The following CLK3 variants were observed in gnomAD, a reference collection of about 807,000 sequenced individuals.
CLK3 encodes the protein dual specificity protein kinase CLK3.
A neutral mutation model predicts 65.2 loss-of-function variants in CLK3; 24 were observed. The ratio of observed to expected loss-of-function variants is 0.37; its 90% CI spans 0.27 to 0.52. CLK3 has a LOEUF of 0.52. Among genes scored for constraint, CLK3 ranks in the 20% least tolerant of loss-of-function variants. CLK3 has a pLI of 0.92. For synonymous variants in CLK3, 252 were observed against 240.8 expected, an observed-to-expected ratio of 1.05 and a Z score of -0.43; for missense variants, 506 against 660.0, an observed-to-expected ratio of 0.77 and a Z score of 2.56.
In CLK3 at chr15:74,619,222, C is replaced by T; in HGVS notation, c.26C>T (p.Ser9Phe). 6.2e-7 allele frequency: 1 copy of T among 1,614,150 alleles called. No individual in the cohort carries two copies. The part of the protein sequence containing the change: MHHCKRYR[S>F]PEPDPYLSYR... The stretch of plus-strand genomic sequence containing the variant: ...ATGCATCACTGTAAGCGATACCGCT[C>T]CCCTGAACCAGACCCGTACCTGAGC... Residue 9 changes from serine to phenylalanine, a missense_variant, in exon 2 of 13, where the codon TCC becomes TTC. Transcript: ENST00000395066.
upstream of CLK3, among the ~76,000 whole-genome samples, chr15:74,612,503 C>T (rs1016406342): frequency 6.6e-6 from 1 of 152,148 alleles, no homozygotes; most frequent in African/African-American, 2.4e-5. Context: ...ACCCTGGGCA[C>T]GAGGCACCCT....
intron 6 of CLK3, 85 bp downstream of exon 6, chr15:74,625,103 G>A: frequency 9.5e-6 from 9 of 946,178 alleles, no homozygotes; most frequent in East Asian, 2.4e-5. Context: ...TCACCCATCC[G>A]CACTGTGCCT....
chr15:74,627,720 G>A lies in CLK3; in HGVS notation c.1042+52G>A, dbSNP rs201105533. The A allele has an allele frequency of 1.2e-6, 2 of 1,606,816 alleles. No homozygotes were observed. The highest frequency in any genetic ancestry group is 1.7e-6 in the Non-Finnish European group (2 of 1,175,070). On this transcript the variant is annotated intron_variant, in intron 9 of 12. Coordinates refer to ENST00000395066, the MANE Select transcript of CLK3 (RefSeq NM_001130028.2). The surrounding 1 kb of genome is among the most constrained non-coding windows in gnomAD (Gnocchi z 4.3). ...TGTCATACTGGACTGTTGTTGGGAGGGTATGAGCAGAGGCAGTGGCATGCC... is the reference window on the plus strand; with the variant it reads ...TGTCATACTGGACTGTTGTTGGGAGAGTATGAGCAGAGGCAGTGGCATGCC...
Position 74,620,022 on chromosome 15 carries a change from C to A in CLK3, c.166C>A (p.Pro56Thr), listed in dbSNP as rs1242247310. The part of the protein sequence containing the change: ...RSRSRSHDRL[P>T]YQRRYRERRD... Reference sequence around the variant, plus strand: ...CCCTTTTGGCAGCCATGACCGCCTGCCCTACCAGAGGAGGTACCGGGAGCG... The same window carrying A: ...CCCTTTTGGCAGCCATGACCGCCTGACCTACCAGAGGAGGTACCGGGAGCG... The change falls in exon 3 of 13, where the codon CCC becomes ACC. Residue 56 changes from proline (P) to threonine (T), a missense_variant. Pro to Thr is a conservative substitution (Grantham distance 38). Coordinates refer to ENST00000395066, the MANE Select transcript of CLK3 (RefSeq NM_001130028.2). 9.3e-6 allele frequency: 15 copies of A among 1,614,028 alleles called. No individual in the cohort carries two copies. Among genetic ancestry groups the A allele is most frequent in the Non-Finnish European group, 1.3e-5 (15 of 1,180,030 alleles).
chr15:74,622,121 G>A lies in CLK3; in HGVS notation c.371G>A (p.Arg124Lys). ...CGTTTCGGGGGGCGGTGCATGCAGA[G>A]AAGCCAACAGAGCAGTAAGCGCAGC... ...RTRSCSSASS[R>K]SQQSSKRSSR... Residue 124 changes from arginine to lysine, a missense_variant and splice_region_variant, in exon 4 of 13, where the codon AGA becomes AAA. Physicochemically the swap from Arg to Lys is conservative, Grantham distance 26 (BLOSUM62 2). This residue lies in a region of CLK3 where 325 missense variants were observed against 500.5 expected (regional missense o/e 0.65). Coordinates refer to ENST00000395066, the MANE Select transcript of CLK3 (RefSeq NM_001130028.2). The surrounding 1 kb of genome is among the most constrained non-coding windows in gnomAD (Gnocchi z 4.6). 1 of 1,614,094 alleles carries A rather than the reference G, an allele frequency of 6.2e-7. No homozygotes were observed. Among genetic ancestry groups the A allele is most frequent in the Non-Finnish European group, 8.5e-7 (1 of 1,179,972 alleles).
In CLK3 at chr15:74,622,524, C is replaced by T. The variant is rs2062111839; in HGVS notation, c.497C>T (p.Thr166Ile). 1 of 1,613,448 alleles carries T rather than the reference C, an allele frequency of 6.2e-7. No homozygotes were observed. The highest frequency in any genetic ancestry group is 8.5e-7 in the Non-Finnish European group (1 of 1,179,744). ...YEIVGNLGEG[T>I]FGKVVECLDH... ...ATTGTGGGGAACCTGGGTGAAGGCA[C>T]CTTTGGCAAGGTGGTGGAGTGCTTG... is the stretch of plus-strand genomic sequence containing the variant. The change falls in exon 5 of 13, where the codon ACC becomes ATC. Residue 166 changes from threonine (T) to isoleucine (I), a missense_variant. Coordinates refer to ENST00000395066, the MANE Select transcript of CLK3 (RefSeq NM_001130028.2). The surrounding 1 kb of genome is among the most constrained non-coding windows in gnomAD (Gnocchi z 4.6).
chr15:74,628,201 T>C, intron 10 of CLK3, 149 bp downstream of exon 10: 1 of 659,748 alleles, frequency 1.5e-6, no homozygotes, highest in Non-Finnish European at 2.7e-6. Context: ...CCTTTAAGGA[T>C]GTAGATGCTA....
rs756798964 is a variant in CLK3, at chr15:74,622,085, T to G, written c.370-35T>G. 6.3e-7 allele frequency: 1 copy of G among 1,594,344 alleles called. No homozygotes were observed. The highest frequency in any genetic ancestry group is 8.6e-7 in the Non-Finnish European group (1 of 1,162,150). On this transcript the variant is annotated intron_variant, in intron 3 of 12. Coordinates refer to ENST00000395066, the MANE Select transcript of CLK3 (RefSeq NM_001130028.2). The surrounding 1 kb of genome is among the most constrained non-coding windows in gnomAD (Gnocchi z 4.6). Reference sequence around the variant, plus strand: ...CAATCGGAACCGCCTACCATGCGATTGGTCGGATGGCGTTTCGGGGGGCGG... The same window carrying G: ...CAATCGGAACCGCCTACCATGCGATGGGTCGGATGGCGTTTCGGGGGGCGG...
upstream of CLK3, chr15:74,615,148 G>C (rs2062041260): frequency 2.9e-6 from 1 of 344,312 alleles, no homozygotes; most frequent in Admixed American, 4.8e-5. Context: ...TTTGTCTAGC[G>C]GGGGAGTCTT....
upstream of CLK3, chr15:74,615,620 G>C: frequency 2.4e-6 from 3 of 1,252,112 alleles, no homozygotes; most frequent in Non-Finnish European, 2.0e-6. Flanking sequence ...CGTGCGCCGC[G>C]ACACGGCGGG....
intron 6 of CLK3, among the ~76,000 whole-genome samples, chr15:74,625,337 T>C (rs1209509262): frequency 1.3e-5 from 2 of 152,200 alleles, no homozygotes; most frequent in Non-Finnish European, 2.9e-5. Context: ...AGGGCCTTTC[T>C]GTGGCAGACA....
chr15:74,619,083 G>A (rs897809113), intron 1 of CLK3, 114 bp from the exon 2 acceptor site: 19 of 1,283,324 alleles, frequency 1.5e-5, no homozygotes, highest in African/African-American at 6.0e-5. Context: ...GGGAGGGGCC[G>A]CCTTCAAACA....
At chr15:74,626,782 C>CAGTA (rs1421358243) in intron 7 of CLK3, among the ~76,000 whole-genome samples, 1 of 152,156 alleles carries the variant, frequency 6.6e-6, no homozygotes, top group African/African-American at 2.4e-5. Context: ...TGAAAAGTGA[C>CAGTA]TACTAGCAAG....
At chr15:74,628,347 C>T (rs1052588350) in intron 10 of CLK3, among the ~76,000 whole-genome samples, 5 of 152,100 alleles carry the variant, frequency 3.3e-5, no homozygotes, top group African/African-American at 1.2e-4. Flanking sequence ...TCGGGATGGG[C>T]TGGGACAGGG....
Position 74,627,370 on chromosome 15 carries a change from T to C in CLK3, c.836T>C (p.Leu279Pro). 6.2e-7 allele frequency: 1 copy of C among 1,614,028 alleles called. No homozygotes were observed. The highest frequency in any genetic ancestry group is 8.5e-7 in the Non-Finnish European group (1 of 1,179,860). The change falls in exon 8 of 13, where the codon CTG becomes CCG. Residue 279 changes from leucine (L) to proline (P), a missense_variant. By Grantham distance (98) the Leu-to-Pro change is moderately conservative (BLOSUM62 -3). Transcript: ENST00000395066. This position sits in a 1 kb window ranked among gnomAD's most constrained non-coding sequence, Gnocchi z 4.3. ...ACCTTAGTTCTGCATGAGAATCAGC[T>C]GACCCATACAGACTTGAAACCAGAG... is the stretch of plus-strand genomic sequence containing the variant. ...HALRFLHENQ[L>P]THTDLKPENI...
chr15:74,628,865 G>A, intron 11 of CLK3, 77 bp from the exon 12 acceptor site: 1 of 1,151,248 alleles, frequency 8.7e-7, no homozygotes, highest in Non-Finnish European at 1.3e-6. Context: ...TGTCTTGGGA[G>A]CTGCTCTTCC....
chr15:74,627,231 G>C lies in CLK3; in HGVS notation c.818-121G>C. The C allele has an allele frequency of 1.3e-6, 1 of 797,336 alleles. No homozygotes were observed. Among genetic ancestry groups the C allele is most frequent in the East Asian group, 2.4e-5 (1 of 41,134 alleles). The allele number at this position is 797,336 out of a possible 1,614,324, so 49.4% of individuals were successfully genotyped here. On this transcript the variant is annotated intron_variant, in intron 7 of 12. Coordinates refer to ENST00000395066, the MANE Select transcript of CLK3 (RefSeq NM_001130028.2). This position sits in a 1 kb window ranked among gnomAD's most constrained non-coding sequence, Gnocchi z 4.3. The stretch of plus-strand genomic sequence containing the variant: ...GAGGCAGGCTGTAGTCCAGCTCCCT[G>C]CTGAGGTGGGGGTGTGAGGACCTCT...
chr15:74,628,251 G>A (rs2062159548), intron 10 of CLK3, among the ~76,000 whole-genome samples, 199 bp downstream of exon 10: 1 of 152,192 alleles, frequency 6.6e-6, no homozygotes, highest in South Asian at 2.1e-4. Flanking sequence ...ACACTCAGAG[G>A]AGTCTTATGC....
chr15:74,628,259 T>C (rs1347287167), intron 10 of CLK3, among the ~76,000 whole-genome samples: 5 of 152,268 alleles, frequency 3.3e-5, no homozygotes, highest in Middle Eastern at 6.8e-3. Context: ...AGGAGTCTTA[T>C]GCTAGGCCAT....
Sources: gnomAD v4.1 joint callset for allele counts (sites outside exome capture counted in the v4.1 genomes callset) on GRCh38, gnomAD v4.1.1 for gene constraint, gnomAD v4.1.1 regional missense constraint, Gnocchi (gnomAD v3.1) non-coding constraint, MANE v1.5 for transcripts, NCBI Gene and HGNC (gene_info 2026-07-23, HGNC 2026-07-21) for gene names.